NR3C2: variants seen among roughly 807,000 people sequenced by gnomAD.
NR3C2 encodes the protein nuclear receptor subfamily 3 group C member 2, also known as mineralocorticoid receptor.
Under a neutral mutation model 86.4 loss-of-function variants are expected in NR3C2, and 15 were observed. The observed-to-expected ratio is 0.17, with a 90% CI of 0.12 to 0.27. The LOEUF is 0.27. NR3C2 is among the 10% of genes least tolerant of loss of function. The probability of loss-of-function intolerance (pLI) is 1.00; values close to 1 mark genes in which losing one functional copy is unlikely to be tolerated. For synonymous variants in NR3C2, 458 were observed against 450.5 expected (o/e 1.02, Z -0.21); for missense variants, 960 against 1,195.6 (o/e 0.80, Z 2.91).
intron 4 of NR3C2, among the ~76,000 whole-genome samples, chr4:148,168,515 T>C (rs1037109166): frequency 2.6e-5 from 4 of 152,238 alleles, no homozygotes; most frequent in African/African-American, 9.6e-5. Context: ...AGTGGCCTGT[T>C]AGCGGTGTCA....
chr4:148,369,511 AAAAT>A (rs1385825215), intron 2 of NR3C2, among the ~76,000 whole-genome samples: 2 of 152,242 alleles, frequency 1.3e-5, no homozygotes, highest in Non-Finnish European at 2.9e-5. Context: ...GCTAGATTAA[AAAAT>A]AAATAAAATC....
intron 3 of NR3C2, among the ~76,000 whole-genome samples, chr4:148,250,051 T>C (rs1253376942): frequency 6.6e-6 from 1 of 152,184 alleles, no homozygotes; most frequent in Non-Finnish European, 1.5e-5. Flanking sequence ...CTCTGTTCCT[T>C]TGCCTCAGAA....
chr4:148,241,332 AAG>A (rs1442277613), intron 3 of NR3C2, among the ~76,000 whole-genome samples: 11,030 of 125,794 alleles, frequency 0.088, 3,402 homozygotes, highest in Non-Finnish European at 0.13. Flanking sequence ...AAAAAAAAAA[AAG>A]GGGAAAAATA....
chr4:148,305,823 C>T (rs998727084), intron 2 of NR3C2, among the ~76,000 whole-genome samples: 2 of 152,190 alleles, frequency 1.3e-5, no homozygotes, highest in East Asian at 1.9e-4. Flanking sequence ...CAGGAATAAG[C>T]ATGTTTTATA....
chr4:148,309,409 A>C (rs906390562), intron 2 of NR3C2, among the ~76,000 whole-genome samples: 3 of 152,226 alleles, frequency 2.0e-5, no homozygotes, highest in Non-Finnish European at 4.4e-5. Flanking sequence ...CATGGATAAA[A>C]GATGCAGTGT....
At chr4:148,169,442 C>A (rs1054407906) in intron 4 of NR3C2, among the ~76,000 whole-genome samples, 5 of 151,508 alleles carry the variant, frequency 3.3e-5, no homozygotes, top group African/African-American at 1.2e-4. Context: ...GGAAAGGAAC[C>A]CTGTAAGATA....
At chr4:148,337,218 T>C (rs1744538561) in intron 2 of NR3C2, among the ~76,000 whole-genome samples, 1 of 152,230 alleles carries the variant, frequency 6.6e-6, no homozygotes, top group Admixed American at 6.5e-5. Flanking sequence ...AGGAAATATA[T>C]CAAATGCCAA....
chr4:148,331,037 C>G (rs1216984912), intron 2 of NR3C2, among the ~76,000 whole-genome samples: 1 of 152,142 alleles, frequency 6.6e-6, no homozygotes, highest in Non-Finnish European at 1.5e-5. Flanking sequence ...AAACCTCCTT[C>G]CTTTATAAAA....
intron 2 of NR3C2, among the ~76,000 whole-genome samples, chr4:148,307,275 C>A (rs996031939): frequency 6.6e-6 from 1 of 152,024 alleles, no homozygotes; most frequent in Non-Finnish European, 1.5e-5. Flanking sequence ...TCATTTTTGA[C>A]GATTTCAGAT....
Position 148,081,390 on chromosome 4 carries a change from T to C in NR3C2, c.2909A>G (p.Lys970Arg), listed in dbSNP as rs1291043171. 4 of 1,613,994 alleles carry C rather than the reference T, an allele frequency of 2.5e-6. No individual in the cohort carries two copies. The highest frequency in any genetic ancestry group is 1.6e-4 in the Middle Eastern group (1 of 6,084). The change falls in exon 9 of 9, where the codon AAG becomes AGG. Residue 970 changes from lysine (K) to arginine (R), a missense_variant. Around this residue, in one of 4 missense-constraint regions of NR3C2, gnomAD observed 151 missense variants for 296.3 expected, o/e 0.51. Coordinates refer to ENST00000358102, the MANE Select transcript of NR3C2 (RefSeq NM_000901.5). ...CGGCTTGGCGTTCCCCGACTCCACC[T>C]TGGGCAGCTGGTCGCTGATGATCTC... ...LVEIISDQLP[K>R]VESGNAKPLY...
chr4:148,276,452 C>T (rs1032013790), intron 2 of NR3C2, among the ~76,000 whole-genome samples: 1 of 152,008 alleles, frequency 6.6e-6, no homozygotes, highest in Non-Finnish European at 1.5e-5. Flanking sequence ...ATCCTTACTA[C>T]TCAAAAGAGT....
At chr4:148,405,175 G>A (rs1215133656) in intron 2 of NR3C2, among the ~76,000 whole-genome samples, 1 of 152,146 alleles carries the variant, frequency 6.6e-6, no homozygotes, top group Non-Finnish European at 1.5e-5. Context: ...ATGACAATTT[G>A]ACATGTTATA....
At chr4:148,423,757 C>T (rs1375746593) in intron 2 of NR3C2, among the ~76,000 whole-genome samples, 1 of 152,216 alleles carries the variant, frequency 6.6e-6, no homozygotes, top group Admixed American at 6.5e-5. Context: ...GGCTCGAGTG[C>T]AGTGGCACGA....
intron 6 of NR3C2, among the ~76,000 whole-genome samples, chr4:148,132,769 C>T (rs1380482238): frequency 6.6e-6 from 1 of 152,200 alleles, no homozygotes; most frequent in African/African-American, 2.4e-5. Flanking sequence ...TGTCTGGTCT[C>T]AGATTCTGGT....
intron 4 of NR3C2, among the ~76,000 whole-genome samples, chr4:148,163,094 G>A (rs891165826): frequency 1.3e-5 from 2 of 152,206 alleles, no homozygotes; most frequent in Non-Finnish European, 2.9e-5. Flanking sequence ...AAGATACGAA[G>A]GGTTTAAAGG....
intron 3 of NR3C2, among the ~76,000 whole-genome samples, chr4:148,214,864 T>TA (rs72653884): frequency 0.025 from 3,836 of 152,274 alleles, 156 homozygotes; most frequent in African/African-American, 0.088. Flanking sequence ...TTAAAAACGT[T>TA]AAAAAAATTA....
At position 148,087,640 on chromosome 4, in the gene NR3C2, C is replaced by T. The variant is rs115982706; in HGVS notation, c.2800-6141G>A. On this transcript the variant is annotated intron_variant, in intron 8 of 8. Coordinates refer to ENST00000358102, the MANE Select transcript of NR3C2 (RefSeq NM_000901.5). ...AGGATCCTCTATTTAATAAACGGTA[C>T]GGCGAAAACTGGCTAGCCATATGCA... is the stretch of plus-strand genomic sequence containing the variant. Among the ~76,000 whole-genome samples the T allele has an allele frequency of 6.6e-3, 1,009 of 152,200 alleles. 11 individuals are homozygous for T. Among genetic ancestry groups the T allele is most frequent in the African/African-American group, 0.022 (920 of 41,518 alleles).
At chr4:148,392,353 A>T (rs1367756462) in intron 2 of NR3C2, among the ~76,000 whole-genome samples, 1 of 152,248 alleles carries the variant, frequency 6.6e-6, no homozygotes, top group Non-Finnish European at 1.5e-5. Flanking sequence ...CCCCCTTTTA[A>T]GGTTCAGACT....
intron 4 of NR3C2, among the ~76,000 whole-genome samples, chr4:148,171,878 A>G (rs577380359): frequency 1.3e-5 from 2 of 152,262 alleles, no homozygotes; most frequent in South Asian, 2.1e-4. Flanking sequence ...CTTCCTGTCA[A>G]TCTTGAAGTT....
Sources: allele counts gnomAD v4.1 joint callset (sites outside exome capture counted in the v4.1 genomes callset), GRCh38; gene constraint gnomAD v4.1.1; regional missense constraint gnomAD v4.1.1; transcripts MANE v1.5; gene names NCBI Gene and HGNC (gene_info 2026-07-23, HGNC 2026-07-21).